MGRN1: variants seen among roughly 807,000 people sequenced by gnomAD.
The protein encoded by MGRN1 is E3 ubiquitin-protein ligase MGRN1.
A neutral mutation model predicts 69.2 loss-of-function variants in MGRN1; 29 were observed. That is an observed-to-expected ratio of 0.42 (90% CI 0.31 to 0.57). MGRN1 has a LOEUF of 0.57. MGRN1 is among the 20% of genes least tolerant of loss of function. The pLI is 0.15. For synonymous variants in MGRN1, 470 were observed against 344.2 expected (o/e 1.37, Z -4.04); for missense variants, 998 against 796.2 (o/e 1.25, Z -3.05).
chr16:4,657,887 C>T (rs1294871477), intron 5 of MGRN1, among the ~76,000 whole-genome samples: 12 of 151,568 alleles, frequency 7.9e-5, no homozygotes, highest in Admixed American at 5.3e-4. Flanking sequence ...GGACTACAGG[C>T]GCCTGCCACC....
rs984223434 is a variant in MGRN1 at position 4,677,448 on chromosome 16, C to A, written c.956-15C>A. 6.5e-7 allele frequency: 1 copy of A among 1,538,162 alleles called. No individual in the cohort carries two copies. The highest frequency in any genetic ancestry group is 1.8e-5 in the Admixed American group (1 of 54,562). On this transcript the variant is annotated splice_polypyrimidine_tract_variant and intron_variant, in intron 10 of 16. Coordinates refer to ENST00000262370, the MANE Select transcript of MGRN1 (RefSeq NM_015246.4). ...GTGTCGCCTGGGCCTGATCTGAGCCCTCCTTCTGCCGCAGCTTTCCGGGCC... is the reference window on the plus strand; with the variant it reads ...GTGTCGCCTGGGCCTGATCTGAGCCATCCTTCTGCCGCAGCTTTCCGGGCC...
intron 1 of MGRN1, among the ~76,000 whole-genome samples, chr16:4,638,325 C>A (rs1023353123): frequency 6.6e-6 from 1 of 152,096 alleles, no homozygotes; most frequent in African/African-American, 2.4e-5. Context: ...AATTGCTGGG[C>A]GTGGTGGCGG....
At chr16:4,686,688 G>A in intron 16 of MGRN1, 3 of 1,041,408 alleles carry the variant, frequency 2.9e-6, no homozygotes, top group South Asian at 4.1e-5. Flanking sequence ...GCACCGTGGA[G>A]GGAACCCCAG....
chr16:4,638,951 C>T (rs1477824201), intron 1 of MGRN1, among the ~76,000 whole-genome samples: 5 of 152,164 alleles, frequency 3.3e-5, no homozygotes, highest in African/African-American at 1.2e-4. Flanking sequence ...TCTTCATTCA[C>T]ATCCTGGCTT....
intron 1 of MGRN1, among the ~76,000 whole-genome samples, chr16:4,639,423 C>T (rs887622741): frequency 6.6e-6 from 1 of 152,140 alleles, no homozygotes; most frequent in African/African-American, 2.4e-5. Context: ...GTCTGCAGAG[C>T]GGGGAGCTTG....
At chr16:4,687,221 CG>C in intron 16 of MGRN1, 1 of 985,144 alleles carries the variant, frequency 1.0e-6, no homozygotes, top group Non-Finnish European at 1.2e-6. Context: ...CCCCAAGAGG[CG>C]CCCTCTACCA....
chr16:4,683,830 C>T lies in MGRN1; in HGVS notation c.1529-13C>T. Reference sequence around the variant, plus strand: ...CCTGCCTGTAGGTCCCTAACCTCACCCTCTGCCTGCAGGGACCCGAGCAGC... The same window carrying T: ...CCTGCCTGTAGGTCCCTAACCTCACTCTCTGCCTGCAGGGACCCGAGCAGC... On this transcript the variant is annotated splice_polypyrimidine_tract_variant and intron_variant, in intron 15 of 16. Coordinates refer to ENST00000262370, the MANE Select transcript of MGRN1 (RefSeq NM_015246.4). 1.2e-6 allele frequency: 2 copies of T among 1,611,500 alleles called. No individual in the cohort carries two copies. Among genetic ancestry groups the T allele is most frequent in the South Asian group, 1.1e-5 (1 of 90,642 alleles).
At chr16:4,645,769 C>A (rs1046301116) in intron 1 of MGRN1, among the ~76,000 whole-genome samples, 1 of 152,106 alleles carries the variant, frequency 6.6e-6, no homozygotes, top group African/African-American at 2.4e-5. Flanking sequence ...TGTCTGGGGC[C>A]TCGGAGGCTA....
In MGRN1 at chr16:4,677,450, CCTT is replaced by C. The variant is rs899117084; in HGVS notation, c.956-10_956-8del. Reference sequence around the variant, plus strand: ...GTCGCCTGGGCCTGATCTGAGCCCTCCTTCTGCCGCAGCTTTCCGGGCCCTCCT... The same window carrying C: ...GTCGCCTGGGCCTGATCTGAGCCCTCCTGCCGCAGCTTTCCGGGCCCTCCT... On this transcript the variant is annotated splice_polypyrimidine_tract_variant and intron_variant, in intron 10 of 16. Transcript: ENST00000262370. The C allele has an allele frequency of 7.8e-6, 12 of 1,539,612 alleles. No homozygotes were observed. The highest frequency in any genetic ancestry group is 6.1e-6 in the Non-Finnish European group (7 of 1,146,026).
Position 4,664,970 on chromosome 16 carries a change from A to C in MGRN1, c.629-132A>C, listed in dbSNP as rs944298603. ...AAAGTGCAGGAGGGCAGGTCCCAGA[A>C]CAGGCTCAGGACTCTATGGACTCTG... On this transcript the variant is annotated intron_variant, in intron 6 of 16. Transcript: ENST00000262370. The C allele has an allele frequency of 2.5e-6, 3 of 1,215,028 alleles. No homozygotes were observed. The African/African-American group carries it at 4.5e-5, about 18-fold the overall frequency. 75.3% of individuals were successfully genotyped at this position (1,215,028 alleles called of 1,614,324 possible). A position where few individuals can be genotyped will look rare whatever the true frequency, so the allele number is the denominator to read the frequency against.
In MGRN1 at chr16:4,682,910, C is replaced by G; in HGVS notation, c.1446C>G (p.Gly482=). The change falls in exon 14 of 17, where the codon GGC becomes GGG. Residue 482 remains glycine, a synonymous_variant. Transcript: ENST00000262370. ...TGGACGCCCCTCCCCCACTGGGTGGCGCAGAGCTGGCCCTGCGGGAAAGCA... is the reference window on the plus strand; with the variant it reads ...TGGACGCCCCTCCCCCACTGGGTGGGGCAGAGCTGGCCCTGCGGGAAAGCA... The part of the protein sequence containing the change: ...EDVDAPPPLG[G]AELALRESSS... 1 of 1,606,546 alleles carries G rather than the reference C, an allele frequency of 6.2e-7. No homozygotes were observed. Among genetic ancestry groups the G allele is most frequent in the Non-Finnish European group, 8.5e-7 (1 of 1,175,080 alleles).
At chr16:4,677,388 T>C (rs540783248) in intron 10 of MGRN1, 75 bp from the exon 11 acceptor site, 25 of 1,192,356 alleles carry the variant, frequency 2.1e-5, no homozygotes, top group Non-Finnish European at 2.8e-5. Context: ...GGGGTGTTGA[T>C]CCCTGGGGCT....
At chr16:4,675,161 T>C (rs979468868) in intron 10 of MGRN1, among the ~76,000 whole-genome samples, 1 of 151,444 alleles carries the variant, frequency 6.6e-6, no homozygotes, top group Non-Finnish European at 1.5e-5. Flanking sequence ...TTAGTAGAGA[T>C]GGGGTTTTAC....
intron 1 of MGRN1, among the ~76,000 whole-genome samples, chr16:4,648,554 C>T (rs1199511779): frequency 1.7e-5 from 2 of 120,580 alleles, no homozygotes; most frequent in Admixed American, 7.5e-5. Flanking sequence ...GGTCCTCCTC[C>T]CGGGGGCTCT....
Position 4,668,834 on chromosome 16 carries a change from CCACA to C in MGRN1, c.726+525_726+528del, listed in dbSNP as rs781065261. Among the ~76,000 whole-genome samples the C allele has an allele frequency of 6.6e-5, 10 of 151,694 alleles. 1 individual carries two copies. In the South Asian group the frequency reaches 2.1e-3, roughly 32 times the overall value. ...TACAGACACACACTCATACACATAC[CCACA>C]CATATACTCACACACATAAACTCAC... On this transcript the variant is annotated intron_variant, in intron 8 of 16. Transcript: ENST00000262370.
chr16:4,643,840 G>A (rs1182885576), intron 1 of MGRN1, among the ~76,000 whole-genome samples: 1 of 152,004 alleles, frequency 6.6e-6, no homozygotes, highest in Non-Finnish European at 1.5e-5. Context: ...TCAATAACAA[G>A]AAGAAATACG....
At chr16:4,686,210 G>A in intron 16 of MGRN1, 3 of 1,536,512 alleles carry the variant, frequency 2.0e-6, no homozygotes, top group South Asian at 1.2e-5. Context: ...GCTGGCTGCT[G>A]CGCGCTTGCT....
At chr16:4,680,498 C>T (rs1157270233) in intron 12 of MGRN1, 1 of 189,920 alleles carries the variant, frequency 5.3e-6, no homozygotes, top group Non-Finnish European at 1.1e-5. Flanking sequence ...GCTCCTTGGG[C>T]TGAGCTTTTT....
In MGRN1 at chr16:4,664,784, G is replaced by C. The variant is rs199956772; in HGVS notation, c.628+9G>C. The C allele has an allele frequency of 6.2e-7, 1 of 1,614,042 alleles. No homozygotes were observed. Among genetic ancestry groups the C allele is most frequent in the East Asian group, 2.2e-5 (1 of 44,882 alleles). On this transcript the variant is annotated intron_variant, in intron 6 of 16. Transcript: ENST00000262370. ...GGTGGACGAAGGAGATGGTGAGTGC[G>C]TCCTCTTCCGTCCTCCTGGGCGTGC...
Sources: allele counts gnomAD v4.1 joint callset (sites outside exome capture counted in the v4.1 genomes callset), GRCh38; gene constraint gnomAD v4.1.1; transcripts MANE v1.5; gene names NCBI Gene and HGNC (gene_info 2026-07-23, HGNC 2026-07-21).